TAT: variants seen among roughly 807,000 people sequenced by gnomAD.
TAT encodes the protein tyrosine aminotransferase.
Under a neutral mutation model 53.6 loss-of-function variants are expected in TAT, and 35 were observed. The ratio of observed to expected loss-of-function variants is 0.65; its 90% CI spans 0.50 to 0.87. The LOEUF (loss-of-function observed/expected upper bound fraction) is 0.87, where lower values mean the gene tolerates loss of function less well. Among genes scored for constraint, TAT ranks in the 40% least tolerant of loss-of-function variants. The pLI, the probability that TAT is intolerant of heterozygous loss-of-function variation, is 0.00. For missense variants in TAT, 525 were observed against 571.8 expected (o/e 0.92, Z 0.83); for synonymous variants, 197 against 206.5 (o/e 0.95, Z 0.39).
chr16:71,576,120 G>C, intron 2 of TAT, 61 bp downstream of exon 2: 1 of 1,607,384 alleles, frequency 6.2e-7, no homozygotes, highest in Non-Finnish European at 8.5e-7. Context: ...TCTCCAACCA[G>C]CCTGTGAACA....
chr16:71,576,372 G>A lies in TAT; in HGVS notation c.44C>T (p.Pro15Leu). 1.2e-6 allele frequency: 2 copies of A among 1,614,182 alleles called. No homozygotes were observed. The highest frequency in any genetic ancestry group is 1.1e-5 in the South Asian group (1 of 91,078). Residue 15 changes from proline (P) to leucine (L), a missense_variant, in exon 2 of 12, where the codon CCC becomes CTC. Pro to Leu is a moderately conservative substitution (Grantham distance 98). Coordinates refer to ENST00000355962, the MANE Select transcript of TAT (RefSeq NM_000353.3). ...GTTGACATGCACGTCCAGAATTGAG[G>A]GGAGGTTGCCTTTGCTGCTCATCTG... ...MIQMSSKGNL[P>L]SILDVHVNVG...
chr16:71,566,149 T>C lies in TAT; in HGVS notation c.*1995A>G, dbSNP rs1297199712. The C allele has an allele frequency of 6.6e-6, 1 of 152,212 alleles. No individual in the cohort carries two copies. Among genetic ancestry groups the C allele is most frequent in the African/African-American group, 2.4e-5 (1 of 41,456 alleles). 9.4% of individuals were successfully genotyped at this position (152,212 alleles called of 1,614,324 possible). A position where few individuals can be genotyped will look rare whatever the true frequency, so the allele number is the denominator to read the frequency against. On this transcript the variant is annotated 3_prime_UTR_variant, in exon 12 of 12. Transcript: ENST00000355962. ...GGCATACGGGAAACTGAAATCTTTA[T>C]CTAATCTCATCCTTTGTATATTCGT...
chr16:71,572,266 G>C lies in TAT; in HGVS notation c.626C>G (p.Thr209Arg), dbSNP rs968508084. The C allele has an allele frequency of 5.0e-6, 8 of 1,614,064 alleles. No homozygotes were observed. Among genetic ancestry groups the C allele is most frequent in the Non-Finnish European group, 6.8e-6 (8 of 1,180,006 alleles). Residue 209 changes from threonine to arginine, a missense_variant, in exon 6 of 12, where the codon ACA becomes AGA. Transcript: ENST00000355962. ...KQLEYLIDEK[T>R]ACLIVNNPSN... The stretch of plus-strand genomic sequence containing the variant: ...TGGATTATTGACAATGAGACAAGCT[G>C]TCTTTTCATCAATTAGATATTCCAG...
At chr16:71,568,420 G>T (rs1446836400) in intron 11 of TAT, 136 bp from the exon 12 acceptor site, 1 of 845,928 alleles carries the variant, frequency 1.2e-6, no homozygotes, top group Non-Finnish European at 1.9e-6. Flanking sequence ...CCCATGACTG[G>T]GATGCTAAGT....
At chr16:71,576,727 A>G (rs1343600268) in intron 1 of TAT, among the ~76,000 whole-genome samples, 1 of 152,208 alleles carries the variant, frequency 6.6e-6, no homozygotes, top group African/African-American at 2.4e-5. Context: ...AAGGAATAAG[A>G]TGAAAATTGT....
chr16:71,572,285 A>G lies in TAT; in HGVS notation c.607T>C (p.Tyr203His). ...CAAGCTGTCTTTTCATCAATTAGAT[A>G]TTCCAGTTGTTTCAGGTCAATTTCC... ...SWEIDLKQLE[Y>H]LIDEKTACLI... The change falls in exon 6 of 12, where the codon TAT (tyrosine) becomes CAT (histidine). Residue 203 changes from tyrosine (Y) to histidine (H), a missense_variant. By Grantham distance (83) the Tyr-to-His change is moderately conservative. Transcript: ENST00000355962. 6.2e-7 allele frequency: 1 copy of G among 1,614,224 alleles called. No homozygotes were observed. The highest frequency in any genetic ancestry group is 8.5e-7 in the Non-Finnish European group (1 of 1,180,026).
At chr16:71,573,319 A>T (rs1488541200) in intron 4 of TAT, among the ~76,000 whole-genome samples, 1 of 152,200 alleles carries the variant, frequency 6.6e-6, no homozygotes. Flanking sequence ...GACAGACACC[A>T]CATTAAGTTG....
intron 3 of TAT, among the ~76,000 whole-genome samples, chr16:71,574,064 A>G (rs2044221244): frequency 6.6e-6 from 1 of 152,342 alleles, no homozygotes; most frequent in Admixed American, 6.5e-5. Flanking sequence ...GCCCCTGCTC[A>G]GAGGGCATTC....
rs1202553829 is a variant in TAT, at chr16:71,567,874, A to G, written c.*270T>C. 4.3e-6 allele frequency: 2 copies of G among 460,150 alleles called. No individual in the cohort carries two copies. The highest frequency in any genetic ancestry group is 3.9e-5 in the African/African-American group (2 of 50,786). The allele number at this position is 460,150 out of a possible 1,614,324, so 28.5% of individuals were successfully genotyped here. Reference sequence around the variant, plus strand: ...TTGTTCACCTGGTACTTTCAAGAAAAAAAGAAGGAAATCTTACGAGAGGGA... The same window carrying G: ...TTGTTCACCTGGTACTTTCAAGAAAGAAAGAAGGAAATCTTACGAGAGGGA... On this transcript the variant is annotated 3_prime_UTR_variant, in exon 12 of 12. Transcript: ENST00000355962.
rs1295122991 is a variant in TAT, at chr16:71,566,575, G to A, written c.*1569C>T. Reference sequence around the variant, plus strand: ...GAGTGGTTAGTGGATATAGGCAAGCGTAGTAACTTGGGACCAGAGGTTAGG... The same window carrying A: ...GAGTGGTTAGTGGATATAGGCAAGCATAGTAACTTGGGACCAGAGGTTAGG... On this transcript the variant is annotated 3_prime_UTR_variant, in exon 12 of 12. Transcript: ENST00000355962. The A allele has an allele frequency of 6.6e-6, 1 of 151,942 alleles. No homozygotes were observed. Among genetic ancestry groups the A allele is most frequent in the Admixed American group, 6.6e-5 (1 of 15,254 alleles). The allele number at this position is 151,942 out of a possible 1,614,324, so 9.4% of individuals were successfully genotyped here. A position where few individuals can be genotyped will look rare whatever the true frequency, so the allele number is the denominator to read the frequency against.
At chr16:71,572,031 C>T (rs940472412) in intron 6 of TAT, 155 bp downstream of exon 6, 1 of 922,176 alleles carries the variant, frequency 1.1e-6, no homozygotes, top group Admixed American at 2.1e-5. Context: ...CCAGGCCTAC[C>T]ACTCCTATGG....
At position 71,573,585 on chromosome 16, in the gene TAT, T is replaced by G. The variant is rs765073890; in HGVS notation, c.362A>C (p.Glu121Ala). 6.4e-7 allele frequency: 1 copy of G among 1,554,578 alleles called. No homozygotes were observed. Among genetic ancestry groups the G allele is most frequent in the South Asian group, 1.2e-5 (1 of 84,222 alleles). Reference sequence around the variant, plus strand: ...AGGACAGTGGTAATAAGAAGCAATCTCCTCCCGACTGGATAGGAAGCCTGA... The same window carrying G: ...AGGACAGTGGTAATAAGAAGCAATCGCCTCCCGACTGGATAGGAAGCCTGA... ...PSIGFLSSRE[E>A]IASYYHCPEA... Residue 121 changes from glutamate (E) to alanine (A), a missense_variant, in exon 4 of 12, where the codon GAG (glutamate) becomes GCG (alanine). Physicochemically the swap from Glu to Ala is moderately radical, Grantham distance 107 (BLOSUM62 -1). Transcript: ENST00000355962.
intron 4 of TAT, 95 bp downstream of exon 4, chr16:71,573,444 C>T: frequency 3.4e-6 from 4 of 1,177,120 alleles, no homozygotes; most frequent in Non-Finnish European, 5.0e-6. Context: ...AGCTTTTCCC[C>T]CTCTGACACC....
In TAT at chr16:71,576,548, ATT is replaced by A. The variant is rs374743856; in HGVS notation, c.-12-123_-12-122del. The A allele has an allele frequency of 1.8e-4, 149 of 840,728 alleles. No homozygotes were observed. The African/African-American group carries it at 2.2e-3, about 13-fold the overall frequency. 52.1% of individuals were successfully genotyped at this position (840,728 alleles called of 1,614,324 possible). On this transcript the variant is annotated intron_variant, in intron 1 of 11. Transcript: ENST00000355962. ...AAGTGTCTTTCCAAACTCTCTCTTT[ATT>A]TTTTTTTCTACTTTCTGTTGTAAAG...
At chr16:71,571,243 T>C (rs1239457926) in intron 7 of TAT, among the ~76,000 whole-genome samples, 1 of 152,192 alleles carries the variant, frequency 6.6e-6, no homozygotes, top group Middle Eastern at 3.2e-3. Context: ...TTACCATACG[T>C]TATGTAACAC....
At chr16:71,575,578 G>T in intron 3 of TAT, 1 of 386,260 alleles carries the variant, frequency 2.6e-6, no homozygotes. Flanking sequence ...AATCCATTTA[G>T]GACCTAGAGG....
At position 71,567,163 on chromosome 16, in the gene TAT, C is replaced by T. The variant is rs1483106841; in HGVS notation, c.*981G>A. 6.6e-6 allele frequency: 1 copy of T among 152,122 alleles called. No individual in the cohort carries two copies. The highest frequency in any genetic ancestry group is 1.5e-5 in the Non-Finnish European group (1 of 68,082). The allele number at this position is 152,122 out of a possible 1,614,324, so 9.4% of individuals were successfully genotyped here. The stretch of plus-strand genomic sequence containing the variant: ...GTGGCTCACGCCTGTAATCCCAGTA[C>T]TTTAGGAGACCCAGGCGGGCAGATT... On this transcript the variant is annotated 3_prime_UTR_variant, in exon 12 of 12. Coordinates refer to ENST00000355962, the MANE Select transcript of TAT (RefSeq NM_000353.3).
rs766322784 is a variant in TAT, at chr16:71,566,944, A to C, written c.*1200T>G. ...CTTATCAATATAAATGTTTCTTAGA[A>C]AATGTATGAAAAGATAATATATATT... On this transcript the variant is annotated 3_prime_UTR_variant, in exon 12 of 12. Coordinates refer to ENST00000355962, the MANE Select transcript of TAT (RefSeq NM_000353.3). The C allele has an allele frequency of 6.6e-6, 1 of 151,986 alleles. No individual in the cohort carries two copies. Among genetic ancestry groups the C allele is most frequent in the African/African-American group, 2.4e-5 (1 of 41,436 alleles). The allele number at this position is 151,986 out of a possible 1,614,324, so 9.4% of individuals were successfully genotyped here.
rs1331039178 is a variant in TAT at position 71,576,034 on chromosome 16, T to C, written c.236-8A>G. On this transcript the variant is annotated splice_polypyrimidine_tract_variant and splice_region_variant and intron_variant, in intron 2 of 11. Coordinates refer to ENST00000355962, the MANE Select transcript of TAT (RefSeq NM_000353.3). ...CAAACACAGTAGGGTCCCCTTTTTATGGGAGGAAAACACAAAAGGAGCCAA... is the reference window on the plus strand; with the variant it reads ...CAAACACAGTAGGGTCCCCTTTTTACGGGAGGAAAACACAAAAGGAGCCAA... 6.2e-7 allele frequency: 1 copy of C among 1,613,942 alleles called. No individual in the cohort carries two copies. The highest frequency in any genetic ancestry group is 8.5e-7 in the Non-Finnish European group (1 of 1,179,984).
Sources: gnomAD v4.1 joint callset for allele counts (sites outside exome capture counted in the v4.1 genomes callset) on GRCh38, gnomAD v4.1.1 for gene constraint, MANE v1.5 for transcripts, NCBI Gene and HGNC (gene_info 2026-07-23, HGNC 2026-07-21) for gene names.